Variants in PCDHA8 observed in about 807,000 individuals in gnomAD.
PCDHA8 encodes protocadherin alpha-8.
PCDHA8 carries 53 observed loss-of-function variants against 61.8 expected under a neutral mutation model. That is an observed-to-expected ratio of 0.86 (90% confidence interval 0.69 to 1.08). The LOEUF (loss-of-function observed/expected upper bound fraction) is 1.08. PCDHA8 is among the 50% of genes least tolerant of loss of function. The pLI is 0.00. For missense variants in PCDHA8, 1,293 were observed against 1,245.0 expected, an observed-to-expected ratio of 1.04 and a Z score of -0.58; for synonymous variants, 618 against 556.6, an observed-to-expected ratio of 1.11 and a Z score of -1.55.
intron 1 of PCDHA8, chr5:140,853,856 G>T: frequency 1.0e-6 from 1 of 985,598 alleles, no homozygotes; most frequent in South Asian, 4.7e-5. Context: ...AGCCCTATTT[G>T]ATACTTGACA....
intron 1 of PCDHA8, among the ~76,000 whole-genome samples, chr5:140,977,637 T>C (rs1440093548): frequency 6.6e-6 from 1 of 152,228 alleles, no homozygotes; most frequent in Non-Finnish European, 1.5e-5. Flanking sequence ...TAACTTTTTC[T>C]GGGCCTTGAC....
rs2150401429 is a variant in PCDHA8 at position 140,847,524 on chromosome 5, A to G, written c.2394+3809A>G. The stretch of plus-strand genomic sequence containing the variant: ...AAAACTTTGTAGAACTTAGTCAGGA[A>G]AAGAATCTCAAGCATAGCTTTAAAA... On this transcript the variant is annotated intron_variant, in intron 1 of 3. Coordinates refer to ENST00000531613, the MANE Select transcript of PCDHA8 (RefSeq NM_018911.3). The G allele has an allele frequency of 1.3e-5, 2 of 149,848 alleles. 1 individual carries two copies. The highest frequency in any genetic ancestry group is 3.0e-5 in the Non-Finnish European group (2 of 66,914). 9.3% of individuals were successfully genotyped at this position (149,848 alleles called of 1,614,324 possible).
intron 1 of PCDHA8, chr5:140,876,187 G>A (rs1554168344): frequency 1.9e-6 from 3 of 1,613,842 alleles, no homozygotes; most frequent in African/African-American, 2.7e-5. Context: ...GAATGACAAT[G>A]GTCCGGCGTT....
At chr5:141,005,574 T>C (rs567844252) in intron 3 of PCDHA8, among the ~76,000 whole-genome samples, 58 of 150,842 alleles carry the variant, frequency 3.8e-4, no homozygotes, top group Non-Finnish European at 7.5e-4. Flanking sequence ...TGGTGGCGCG[T>C]GCCTGTAGTC....
intron 1 of PCDHA8, chr5:140,877,734 G>A (rs2057311538): frequency 1.9e-6 from 3 of 1,614,070 alleles, no homozygotes; most frequent in African/African-American, 2.7e-5. Flanking sequence ...CGCAGCAGAG[G>A]AGGCAGAGGG....
chr5:140,929,413 A>G, intron 1 of PCDHA8: 1 of 1,505,438 alleles, frequency 6.6e-7, no homozygotes, highest in Non-Finnish European at 8.9e-7. Context: ...AGCCTTTCAC[A>G]ACATTTCATC....
intron 1 of PCDHA8, chr5:140,856,080 A>G: frequency 6.3e-7 from 1 of 1,594,626 alleles, no homozygotes; most frequent in African/African-American, 1.3e-5. Context: ...CTGGGGGTCC[A>G]GTGTCTGCTG....
chr5:140,964,305 A>T (rs1163722863), intron 1 of PCDHA8, among the ~76,000 whole-genome samples: 1 of 152,246 alleles, frequency 6.6e-6, no homozygotes, highest in African/African-American at 2.4e-5. Flanking sequence ...AATACCTACA[A>T]GGCCTAAAAC....
intron 1 of PCDHA8, chr5:140,852,931 T>C: frequency 1.6e-6 from 1 of 623,668 alleles, no homozygotes; most frequent in Non-Finnish European, 2.1e-6. Context: ...CAGGCTGGAG[T>C]GCAGTGGTGC....
At chr5:140,884,170 G>T (rs1333457358) in intron 1 of PCDHA8, 2 of 1,613,412 alleles carry the variant, frequency 1.2e-6, no homozygotes, top group Non-Finnish European at 8.5e-7. Context: ...TCAGCACGAC[G>T]CGCCCTCTGG....
At chr5:140,938,606 T>G (rs2092130259) in intron 1 of PCDHA8, among the ~76,000 whole-genome samples, 1 of 152,166 alleles carries the variant, frequency 6.6e-6, no homozygotes, top group African/African-American at 2.4e-5. Flanking sequence ...AATCTTGCAT[T>G]CTTGGAATAA....
intron 1 of PCDHA8, among the ~76,000 whole-genome samples, chr5:140,941,259 T>TTCTTTCTTTC (rs1554214226): frequency 2.6e-4 from 32 of 121,828 alleles, no homozygotes; most frequent in African/African-American, 6.8e-4. Flanking sequence ...TTCTTTCTCT[T>TTCTTTCTTTC]TCTTTCTTTC....
chr5:140,884,042 G>A (rs1554181105), intron 1 of PCDHA8: 4 of 1,613,464 alleles, frequency 2.5e-6, no homozygotes, highest in Non-Finnish European at 3.4e-6. Flanking sequence ...CCACGTGGTG[G>A]CGAAGGTGCG....
At chr5:140,871,293 G>T (rs1206433527) in intron 1 of PCDHA8, 5 of 1,613,794 alleles carry the variant, frequency 3.1e-6, no homozygotes, top group Admixed American at 1.7e-5. Flanking sequence ...CTGAGGGCGC[G>T]TGCGCGCCGG....
intron 3 of PCDHA8, among the ~76,000 whole-genome samples, chr5:140,996,427 G>A (rs1479947811): frequency 6.6e-6 from 1 of 152,176 alleles, no homozygotes; most frequent in Non-Finnish European, 1.5e-5. Context: ...GAAAACTTTG[G>A]GAATAGTCAG....
At chr5:140,941,644 C>T (rs1157047813) in intron 1 of PCDHA8, among the ~76,000 whole-genome samples, 2 of 152,034 alleles carry the variant, frequency 1.3e-5, no homozygotes, top group African/African-American at 4.8e-5. Flanking sequence ...TGTCTTCCTA[C>T]AACTTATGTC....
At chr5:140,969,210 C>G in intron 1 of PCDHA8, 1 of 1,614,184 alleles carries the variant, frequency 6.2e-7, no homozygotes, top group Non-Finnish European at 8.5e-7. Context: ...GGGGCCCAGA[C>G]AGGACCAGGG....
intron 1 of PCDHA8, among the ~76,000 whole-genome samples, chr5:140,953,480 T>C (rs782804804): frequency 2.6e-5 from 4 of 152,194 alleles, no homozygotes; most frequent in Non-Finnish European, 5.9e-5. Flanking sequence ...CCTCATGCTG[T>C]GTCACAACCT....
At chr5:140,877,686 G>C in intron 1 of PCDHA8, 1 of 1,613,818 alleles carries the variant, frequency 6.2e-7, no homozygotes, top group South Asian at 1.1e-5. Context: ...GCAAGCCCAC[G>C]CTGGTGTGCT....
Sources: allele counts gnomAD v4.1 joint callset (sites outside exome capture counted in the v4.1 genomes callset), GRCh38; gene constraint gnomAD v4.1.1; transcripts MANE v1.5; gene names NCBI Gene and HGNC (gene_info 2026-07-23, HGNC 2026-07-21).